LMTK3: variants seen among roughly 807,000 people sequenced by gnomAD.
The protein encoded by LMTK3 is lemur tail kinase 3.
A neutral mutation model predicts 116.7 loss-of-function variants in LMTK3; 27 were observed. The ratio of observed to expected loss-of-function variants is 0.23; its 90% CI spans 0.17 to 0.32. LMTK3 has a LOEUF of 0.32. Among genes scored for constraint, LMTK3 ranks in the 10% least tolerant of loss-of-function variants. The pLI is 1.00. For synonymous variants in LMTK3, 965 were observed against 971.0 expected, an observed-to-expected ratio of 0.99 and a Z score of 0.11; for missense variants, 1,764 against 2,068.5, an observed-to-expected ratio of 0.85 and a Z score of 2.86.
chr19:48,498,565 G>C lies in LMTK3; in HGVS notation c.2504C>G (p.Pro835Arg), dbSNP rs1972383013. The C allele has an allele frequency of 1.3e-6, 2 of 1,558,046 alleles. No individual in the cohort carries two copies. Among genetic ancestry groups the C allele is most frequent in the Non-Finnish European group, 1.7e-6 (2 of 1,151,268 alleles). The change falls in exon 11 of 15, where the codon CCA (proline) becomes CGA (arginine). Residue 835 changes from proline (P) to arginine (R), a missense_variant. By Grantham distance (103) the Pro-to-Arg change is moderately radical. Transcript: ENST00000600059. ...PEPPDPGAPR[P>R]PPDPGPLPLP... ...TGGGAGCGGACCCGGGTCTGGAGGT[G>C]GCCGGGGCGCTCCTGGGTCGGGTGG... is the stretch of plus-strand genomic sequence containing the variant.
Position 48,498,488 on chromosome 19 carries a change from G to C in LMTK3, c.2581C>G (p.Gln861Glu). ...TCCTCCCGCAGGGACATCAGCAGCT[G>C]TTCCGTGCTCACTTGAACCACGAAG... ...PTFVVQVSTEQLLMSLREDVT... is the reference protein window; with the variant it reads ...PTFVVQVSTEELLMSLREDVT... The change falls in exon 11 of 15, where the codon CAG becomes GAG. Residue 861 changes from glutamine to glutamate, a missense_variant. Physicochemically the swap from Gln to Glu is conservative, Grantham distance 29. Transcript: ENST00000600059. The C allele has an allele frequency of 1.9e-6, 3 of 1,598,262 alleles. No individual in the cohort carries two copies. Among genetic ancestry groups the C allele is most frequent in the Non-Finnish European group, 2.6e-6 (3 of 1,172,304 alleles).
At chr19:48,512,919 C>T (rs1315513308), upstream of LMTK3, among the ~76,000 whole-genome samples, 1 of 152,168 alleles carries the variant, frequency 6.6e-6, no homozygotes, top group Non-Finnish European at 1.5e-5. Flanking sequence ...ATCAAATACA[C>T]AGACACACAG....
chr19:48,487,712 A>G (rs1271899041), intron 14 of LMTK3, among the ~76,000 whole-genome samples: 1 of 151,968 alleles, frequency 6.6e-6, no homozygotes, highest in Non-Finnish European at 1.5e-5. Context: ...CCAGAAAGCT[A>G]AGGTCCAGGA....
At chr19:48,511,385 G>C in intron 1 of LMTK3, 116 bp downstream of exon 1, 1 of 438,804 alleles carries the variant, frequency 2.3e-6, no homozygotes, top group Non-Finnish European at 3.9e-6. Context: ...CTGCTGGGCT[G>C]CGGGAAGACG....
At position 48,499,014 on chromosome 19, in the gene LMTK3, C is replaced by T; in HGVS notation, c.2055G>A (p.Arg685=). The change falls in exon 11 of 15, where the codon CGG becomes CGA. Residue 685 remains arginine, a synonymous_variant. Transcript: ENST00000600059. ...CTCCCCAGCCTGCTACGGCGTCCCC[C>T]CGCTCCAGTGGCAGGCAGGAGCAGG... ...EGACSCLPLE[R]GDAVAGWGGH... 6.9e-7 allele frequency: 1 copy of T among 1,441,404 alleles called. No homozygotes were observed. Among genetic ancestry groups the T allele is most frequent in the Non-Finnish European group, 9.1e-7 (1 of 1,096,002 alleles). The allele number at this position is 1,441,404 out of a possible 1,614,324, so 89.3% of individuals were successfully genotyped here.
Position 48,511,730 on chromosome 19 carries a change from G to T in LMTK3, c.-154C>A. 1 of 424,380 alleles carries T rather than the reference G, an allele frequency of 2.4e-6. No homozygotes were observed. The highest frequency in any genetic ancestry group is 4.2e-6 in the Non-Finnish European group (1 of 235,796). The allele number at this position is 424,380 out of a possible 1,614,324, so 26.3% of individuals were successfully genotyped here. ...CGCAGGACAGGGGGAGGGAGGGGCTGCTTGCTGGCTCAGGTACCCCCCTCC... is the reference window on the plus strand; with the variant it reads ...CGCAGGACAGGGGGAGGGAGGGGCTTCTTGCTGGCTCAGGTACCCCCCTCC... On this transcript the variant is annotated 5_prime_UTR_variant, in exon 1 of 15. Transcript: ENST00000600059.
chr19:48,505,192 C>T (rs1270341158), intron 5 of LMTK3, among the ~76,000 whole-genome samples: 2 of 141,234 alleles, frequency 1.4e-5, no homozygotes, highest in Non-Finnish European at 3.0e-5. Flanking sequence ...TGGCTCACTG[C>T]AACCTCCATC....
Position 48,511,626 on chromosome 19 carries a change from G to C in LMTK3, c.-50C>G, listed in dbSNP as rs765366481. 16 of 637,328 alleles carry C rather than the reference G, an allele frequency of 2.5e-5. No individual in the cohort carries two copies. Among genetic ancestry groups the C allele is most frequent in the Middle Eastern group, 4.7e-4 (1 of 2,112 alleles). The allele number at this position is 637,328 out of a possible 1,614,324, so 39.5% of individuals were successfully genotyped here. A position where few individuals can be genotyped will look rare whatever the true frequency, so the allele number is the denominator to read the frequency against. ...GAGGTGGTGGCGGCTGGGGAGGAGG[G>C]GGGGGCGGGCCCTCAGCCCCCAGCC... On this transcript the variant is annotated 5_prime_UTR_variant, in exon 1 of 15. Coordinates refer to ENST00000600059, the MANE Select transcript of LMTK3 (RefSeq NM_001388485.1).
At chr19:48,489,542 C>A (rs3865435) in intron 14 of LMTK3, among the ~76,000 whole-genome samples, 1 of 152,138 alleles carries the variant, frequency 6.6e-6, no homozygotes, top group Non-Finnish European at 1.5e-5. Flanking sequence ...CATTGCACTT[C>A]GGCTTGGGCG....
chr19:48,506,808 G>A (rs1972578607), intron 5 of LMTK3, among the ~76,000 whole-genome samples: 1 of 152,130 alleles, frequency 6.6e-6, no homozygotes, highest in South Asian at 2.1e-4. Context: ...GGGATTACAG[G>A]CGCCTGCCCA....
rs776995487 is a variant in LMTK3 at position 48,508,919 on chromosome 19, C to T, written c.489G>A (p.Val163=). The change falls in exon 5 of 15, where the codon GTG becomes GTA. Residue 163 remains valine (V), a synonymous_variant. Transcript: ENST00000600059. Reference sequence around the variant, plus strand: ...GCCCCGCGCTGGCTCGGAGCTCCTTCACCACCACCTGGGCGGGGGTGTAGT... The same window carrying T: ...GCCCCGCGCTGGCTCGGAGCTCCTTTACCACCACCTGGGCGGGGGTGTAGT... ...FSDYTPAQVV[V]KELRASAGPL... 6.2e-7 allele frequency: 1 copy of T among 1,613,428 alleles called. No individual in the cohort carries two copies. Among genetic ancestry groups the T allele is most frequent in the East Asian group, 2.2e-5 (1 of 44,886 alleles).
upstream of LMTK3, chr19:48,513,349 G>C (rs1972692066): frequency 3.1e-6 from 2 of 643,070 alleles, no homozygotes; most frequent in Non-Finnish European, 5.6e-6. The surrounding 1 kb of genome is among the most constrained non-coding windows in gnomAD (Gnocchi z 5.6). Context: ...CCATTGTACA[G>C]ATGAGGCAAC....
intron 14 of LMTK3, among the ~76,000 whole-genome samples, chr19:48,486,788 C>G (rs1212891182): frequency 6.6e-6 from 1 of 152,014 alleles, no homozygotes; most frequent in African/African-American, 2.4e-5. Flanking sequence ...CCACCCACCT[C>G]AGCCTCCCAA....
At chr19:48,501,201 T>C in intron 9 of LMTK3, 56 bp from the exon 10 acceptor site, 1 of 1,604,784 alleles carries the variant, frequency 6.2e-7, no homozygotes, top group Non-Finnish European at 8.5e-7. Flanking sequence ...GGCCTCATTT[T>C]CCCCATCTGT....
chr19:48,510,506 G>C lies in LMTK3; in HGVS notation c.163C>G (p.Leu55Val), dbSNP rs902629852. The C allele has an allele frequency of 6.3e-7, 1 of 1,598,426 alleles. No homozygotes were observed. Residue 55 changes from leucine (L) to valine (V), a missense_variant, in exon 2 of 15, where the codon CTC (leucine) becomes GTC (valine). By Grantham distance (32) the Leu-to-Val change is conservative. Around this residue, in one of 7 missense-constraint regions of LMTK3, gnomAD observed 271 missense variants for 478.2 expected, o/e 0.57. Transcript: ENST00000600059. Reference protein sequence around the residue: ...SCSGLLAFIFLLLTCLCCKRG... With the variant: ...SCSGLLAFIFVLLTCLCCKRG... ...TTGCAGCACAGACAGGTGAGGAGGA[G>C]GAAGATGAAGGCCAGCAGGCCGGAG...
chr19:48,499,188 C>T lies in LMTK3; in HGVS notation c.1881G>A (p.Glu627=). Residue 627 remains glutamate (E), a synonymous_variant, in exon 11 of 15, where the codon GAG becomes GAA. Transcript: ENST00000600059. Reference sequence around the variant, plus strand: ...GGGCGGTCCCCCGCTCCCCCAAGACCTCGGCAGGGTCTCCCGCCAGGGTCT... The same window carrying T: ...GGGCGGTCCCCCGCTCCCCCAAGACTTCGGCAGGGTCTCCCGCCAGGGTCT... ...AGETLAGDPA[E]VLGERGTAPW... is the part of the protein sequence containing the mutation. The T allele has an allele frequency of 1.4e-6, 2 of 1,466,676 alleles. No individual in the cohort carries two copies. The highest frequency in any genetic ancestry group is 1.8e-6 in the Non-Finnish European group (2 of 1,106,318). 90.9% of individuals were successfully genotyped at this position (1,466,676 alleles called of 1,614,324 possible). A position where few individuals can be genotyped will look rare whatever the true frequency, so the allele number is the denominator to read the frequency against.
chr19:48,510,453 C>A lies in LMTK3; in HGVS notation c.210+6G>T. The A allele has an allele frequency of 6.3e-7, 1 of 1,593,506 alleles. No individual in the cohort carries two copies. Among genetic ancestry groups the A allele is most frequent in the Non-Finnish European group, 8.5e-7 (1 of 1,169,986 alleles). On this transcript the variant is annotated splice_donor_region_variant and intron_variant, in intron 2 of 14. Transcript: ENST00000600059. ...TCCCCAAGTTGAATCCCCTCATGCA[C>A]CTCACCTTGAAGCCGACATCGCCCC...
intron 12 of LMTK3, among the ~76,000 whole-genome samples, chr19:48,492,427 T>G (rs887606782): frequency 6.6e-6 from 1 of 152,168 alleles, no homozygotes; most frequent in African/African-American, 2.4e-5. Context: ...CCTCAAGTGA[T>G]CCTCCCGCCT....
chr19:48,498,193 A>G lies in LMTK3; in HGVS notation c.2876T>C (p.Leu959Pro). ...TGGGGGTGTCAGCTCCCCATTCTCC[A>G]GCACTTTCTCTTCTCTCTCGGGGGA... The part of the protein sequence containing the change: ...LGSPEREEKV[L>P]ENGELTPPRR... Residue 959 changes from leucine to proline, a missense_variant, in exon 11 of 15, where the codon CTG (leucine) becomes CCG (proline). Physicochemically the swap from Leu to Pro is moderately conservative, Grantham distance 98 (BLOSUM62 -3). Around this residue, in one of 7 missense-constraint regions of LMTK3, gnomAD observed 1,028 missense variants for 1,050.6 expected, o/e 0.98. Transcript: ENST00000600059. 1 of 1,611,014 alleles carries G rather than the reference A, an allele frequency of 6.2e-7. No homozygotes were observed. The highest frequency in any genetic ancestry group is 8.5e-7 in the Non-Finnish European group (1 of 1,179,080).
Sources: allele counts gnomAD v4.1 joint callset (sites outside exome capture counted in the v4.1 genomes callset), GRCh38; gene constraint gnomAD v4.1.1; regional missense constraint gnomAD v4.1.1; non-coding constraint Gnocchi (gnomAD v3.1); transcripts MANE v1.5; gene names NCBI Gene and HGNC (gene_info 2026-07-23, HGNC 2026-07-21).